Variants in TTK observed in about 807,000 individuals in gnomAD.
TTK encodes dual specificity protein kinase TTK.
In TTK, 59 loss-of-function variants were observed where a neutral mutation model predicts 117.3. That is an observed-to-expected ratio of 0.50 (90% CI 0.41 to 0.62). The LOEUF is 0.62. TTK is among the 20% of genes least tolerant of loss of function. TTK has a pLI of 0.00. For synonymous variants in TTK, 302 were observed against 325.0 expected, an observed-to-expected ratio of 0.93 and a Z score of 0.76; for missense variants, 921 against 989.4, an observed-to-expected ratio of 0.93 and a Z score of 0.93.
Position 80,027,872 on chromosome 6 carries a change from A to T in TTK, c.1395-13A>T. 6.6e-7 allele frequency: 1 copy of T among 1,510,988 alleles called. No homozygotes were observed. Among genetic ancestry groups the T allele is most frequent in the Non-Finnish European group, 8.9e-7 (1 of 1,121,142 alleles). 93.6% of individuals were successfully genotyped at this position (1,510,988 alleles called of 1,614,324 possible). A position where few individuals can be genotyped will look rare whatever the true frequency, so the allele number is the denominator to read the frequency against. On this transcript the variant is annotated splice_polypyrimidine_tract_variant and intron_variant, in intron 12 of 21. Coordinates refer to ENST00000369798, the MANE Select transcript of TTK (RefSeq NM_003318.5). Reference sequence around the variant, plus strand: ...TGTAATGTTTTAAATAAAAATATATATATATTTCCTAGTTTTAGAACTCCA... The same window carrying T: ...TGTAATGTTTTAAATAAAAATATATTTATATTTCCTAGTTTTAGAACTCCA...
At chr6:80,020,820 C>T (rs1197923798) in intron 10 of TTK, among the ~76,000 whole-genome samples, 2 of 152,138 alleles carry the variant, frequency 1.3e-5, no homozygotes, top group Admixed American at 1.3e-4. Context: ...TCTTGCTGGG[C>T]GGGACGGAGA....
intron 13 of TTK, among the ~76,000 whole-genome samples, chr6:80,028,565 G>A (rs1258530116): frequency 1.3e-5 from 2 of 151,862 alleles, no homozygotes; most frequent in Admixed American, 6.6e-5. Context: ...CCATCCGCCC[G>A]CCTCAGCCCC....
chr6:80,028,161 A>T (rs757051908), intron 13 of TTK, 150 bp downstream of exon 13: 14 of 840,592 alleles, frequency 1.7e-5, no homozygotes, highest in Non-Finnish European at 1.8e-5. Flanking sequence ...TTCTAATAAG[A>T]GTGTGCCTTG....
Position 80,035,313 on chromosome 6 carries a change from T to C in TTK, c.1820T>C (p.Ile607Thr), listed in dbSNP as rs574618987. Residue 607 changes from isoleucine to threonine, a missense_variant, in exon 16 of 22, where the codon ATT becomes ACT. Coordinates refer to ENST00000369798, the MANE Select transcript of TTK (RefSeq NM_003318.5). ...TACATGGTAATGGAGTGTGGAAATA[T>C]TGATCTTAATAGTTGGCTTAAAAAG... ...YIYMVMECGN[I>T]DLNSWLKKKK... is the part of the protein sequence containing the mutation. The C allele has an allele frequency of 1.9e-6, 3 of 1,611,738 alleles. No homozygotes were observed. The highest frequency in any genetic ancestry group is 1.1e-5 in the South Asian group (1 of 90,550).
At chr6:80,031,962 T>C (rs1377234147) in intron 14 of TTK, among the ~76,000 whole-genome samples, 3 of 152,238 alleles carry the variant, frequency 2.0e-5, no homozygotes, top group Non-Finnish European at 4.4e-5. Flanking sequence ...TCTTTTGAGT[T>C]ATTCATTTCA....
intron 21 of TTK, among the ~76,000 whole-genome samples, chr6:80,040,904 G>T (rs933651992): frequency 4.0e-5 from 6 of 151,786 alleles, no homozygotes; most frequent in African/African-American, 7.2e-5. Context: ...ATACAGTACA[G>T]TTCAAAGTAG....
chr6:80,012,138 T>C (rs45495802), intron 8 of TTK, among the ~76,000 whole-genome samples, 158 bp downstream of exon 8: 18,788 of 151,950 alleles, frequency 0.12, 1,469 homozygotes, highest in South Asian at 0.19. Flanking sequence ...AAGGAATGAG[T>C]GGAGAAAATA....
Position 80,027,805 on chromosome 6 carries a change from A to G in TTK, c.1395-80A>G, listed in dbSNP as rs558500935. On this transcript the variant is annotated intron_variant, in intron 12 of 21. Coordinates refer to ENST00000369798, the MANE Select transcript of TTK (RefSeq NM_003318.5). ...GATGTAACACTTTTAAGTTTATATC[A>G]GTCTAAAATACATGAAACTGAATCA... 2.4e-5 allele frequency: 27 copies of G among 1,121,578 alleles called. No individual in the cohort carries two copies. In the African/African-American group the frequency reaches 3.9e-4, roughly 16 times the overall value. The allele number at this position is 1,121,578 out of a possible 1,614,324, so 69.5% of individuals were successfully genotyped here.
At chr6:80,037,865 T>TGTA (rs1767945924) in intron 17 of TTK, 102 bp from the exon 18 acceptor site, 2 of 411,004 alleles carry the variant, frequency 4.9e-6, no homozygotes. Context: ...AAACTTAAAG[T>TGTA]ATAATAATAA....
chr6:80,026,276 C>T, intron 11 of TTK, 102 bp from the exon 12 acceptor site: 1 of 1,223,400 alleles, frequency 8.2e-7, no homozygotes, highest in South Asian at 1.6e-5. Flanking sequence ...CTTTGTATAT[C>T]ATATGTTATT....
chr6:80,013,423 T>C, intron 9 of TTK, 57 bp downstream of exon 9: 2 of 1,379,132 alleles, frequency 1.5e-6, no homozygotes, highest in South Asian at 1.3e-5. Flanking sequence ...GGAGGATCAG[T>C]ATTCATGGAG....
intron 10 of TTK, among the ~76,000 whole-genome samples, chr6:80,017,144 C>A (rs13219243): frequency 6.6e-6 from 1 of 152,194 alleles, no homozygotes; most frequent in Non-Finnish European, 1.5e-5. Flanking sequence ...CATTATTTTT[C>A]CCCATAATGG....
chr6:80,039,717 T>C lies in TTK; in HGVS notation c.2152T>C (p.Trp718Arg). 1 of 1,536,364 alleles carries C rather than the reference T, an allele frequency of 6.5e-7. No individual in the cohort carries two copies. The highest frequency in any genetic ancestry group is 8.7e-7 in the Non-Finnish European group (1 of 1,146,276). Residue 718 changes from tryptophan to arginine, a missense_variant, in exon 19 of 22, where the codon TGG becomes CGG. Transcript: ENST00000369798. ...TTAGATAAGCCCCAAAAGTGATGTT[T>C]GGTCCTTAGGATGTATTTTGTACTA... ...KSKISPKSDV[W>R]SLGCILYYMT...
At chr6:80,017,573 C>T (rs1317666360) in intron 10 of TTK, among the ~76,000 whole-genome samples, 2 of 152,184 alleles carry the variant, frequency 1.3e-5, no homozygotes, top group Non-Finnish European at 2.9e-5. Context: ...GCTATCACAC[C>T]AGGCCTAATG....
At chr6:80,041,281 A>T (rs1281470832) in intron 21 of TTK, among the ~76,000 whole-genome samples, 1 of 151,944 alleles carries the variant, frequency 6.6e-6, no homozygotes, top group African/African-American at 2.4e-5. Flanking sequence ...TTATCATAAA[A>T]TTATGGGAAC....
chr6:80,008,680 C>G (rs983184673), intron 4 of TTK, among the ~76,000 whole-genome samples, 188 bp downstream of exon 4: 6 of 152,016 alleles, frequency 3.9e-5, no homozygotes, highest in African/African-American at 1.4e-4. Flanking sequence ...ACTAGCTTTT[C>G]CATGTATAAA....
rs1412738463 is a variant in TTK, at chr6:80,040,602, A to G, written c.2393-4A>G. 4 of 1,610,214 alleles carry G rather than the reference A, an allele frequency of 2.5e-6. No homozygotes were observed. The highest frequency in any genetic ancestry group is 3.4e-6 in the Non-Finnish European group (4 of 1,177,954). Reference sequence around the variant, plus strand: ...TACTAGTGTATTATTGATTTATTTTATAGTTAACCAAATGGCCAAGGGAAC... The same window carrying G: ...TACTAGTGTATTATTGATTTATTTTGTAGTTAACCAAATGGCCAAGGGAAC... On this transcript the variant is annotated splice_region_variant and splice_polypyrimidine_tract_variant and intron_variant, in intron 20 of 21. Transcript: ENST00000369798.
chr6:80,038,251 T>C (rs1426746246), intron 18 of TTK, among the ~76,000 whole-genome samples: 1 of 152,190 alleles, frequency 6.6e-6, no homozygotes, highest in African/African-American at 2.4e-5. Context: ...CAAGTACAGC[T>C]GGAGAATGTA....
At chr6:80,023,923 T>C (rs1208949937) in intron 11 of TTK, among the ~76,000 whole-genome samples, 1 of 152,252 alleles carries the variant, frequency 6.6e-6, no homozygotes, top group Middle Eastern at 3.2e-3. Context: ...ATAAGGATCC[T>C]GATAGGTTGA....
Sources: gnomAD v4.1 joint callset for allele counts (sites outside exome capture counted in the v4.1 genomes callset) on GRCh38, gnomAD v4.1.1 for gene constraint, MANE v1.5 for transcripts, NCBI Gene and HGNC (gene_info 2026-07-23, HGNC 2026-07-21) for gene names.